MAP3K8: variants seen among roughly 807,000 people sequenced by gnomAD.
MAP3K8 encodes Ewing sarcoma transformant.
MAP3K8 carries 22 observed loss-of-function variants against 45.8 expected under a neutral mutation model. The ratio of observed to expected loss-of-function variants is 0.48; its 90% confidence interval spans 0.34 to 0.69. The LOEUF is 0.69. MAP3K8 is among the 30% of genes least tolerant of loss of function. MAP3K8 has a pLI of 0.01. For synonymous variants in MAP3K8, 223 were observed against 214.3 expected (o/e 1.04, Z -0.36); for missense variants, 419 against 585.0 (o/e 0.72, Z 2.93).
chr10:30,452,049 A>T (rs1172673469), intron 6 of MAP3K8, among the ~76,000 whole-genome samples: 3 of 152,142 alleles, frequency 2.0e-5, no homozygotes, highest in African/African-American at 7.2e-5. Flanking sequence ...AATAGATCAC[A>T]TTGGCCAGGT....
rs766758126 is a variant in MAP3K8 at position 30,459,347 on chromosome 10, C to T, written c.1119C>T (p.Pro373=). The change falls in exon 8 of 9, where the codon CCC becomes CCT. Residue 373 remains proline, a synonymous_variant. Coordinates refer to ENST00000263056, the MANE Select transcript of MAP3K8 (RefSeq NM_005204.4). Reference sequence around the variant, plus strand: ...TAGAAGCTTCCCTGGAGAGAAACCCCAATCACCGCCCAAGAGCCGCAGACC... The same window carrying T: ...TAGAAGCTTCCCTGGAGAGAAACCCTAATCACCGCCCAAGAGCCGCAGACC... The part of the protein sequence containing the change: ...ELIEASLERN[P]NHRPRAADLL... 1.9e-5 allele frequency: 30 copies of T among 1,614,136 alleles called. No individual in the cohort carries two copies. Among genetic ancestry groups the T allele is most frequent in the Middle Eastern group, 3.3e-4 (2 of 6,058 alleles).
chr10:30,446,776 A>T (rs1259585539), intron 3 of MAP3K8, among the ~76,000 whole-genome samples: 1 of 152,162 alleles, frequency 6.6e-6, no homozygotes, highest in Non-Finnish European at 1.5e-5. Context: ...AAATTGAAAT[A>T]TATTTTATAT....
intron 6 of MAP3K8, among the ~76,000 whole-genome samples, chr10:30,453,864 C>G (rs550140184): frequency 4.5e-5 from 6 of 132,102 alleles, no homozygotes; most frequent in African/African-American, 1.7e-4. Context: ...CAGACCTCAT[C>G]TCTTTTGAAA....
At chr10:30,439,434 A>G in intron 3 of MAP3K8, 160 bp downstream of exon 3, 1 of 1,293,294 alleles carries the variant, frequency 7.7e-7, no homozygotes, top group East Asian at 2.6e-5. Context: ...TAAAGATGCA[A>G]AAAAAAAAGT....
At chr10:30,434,042 T>C (rs944977527), upstream of MAP3K8, 4 of 152,794 alleles carry the variant, frequency 2.6e-5, no homozygotes, top group African/African-American at 9.6e-5. Flanking sequence ...GGGCAGTCTC[T>C]TTCTGTTTAC....
At chr10:30,458,371 T>A (rs1034419646) in intron 7 of MAP3K8, 135 bp downstream of exon 7, 1 of 525,362 alleles carries the variant, frequency 1.9e-6, no homozygotes, top group Non-Finnish European at 3.1e-6. Flanking sequence ...GACAGGTAGC[T>A]ACAAGTTCTT....
chr10:30,451,319 G>T (rs912794326), intron 5 of MAP3K8, among the ~76,000 whole-genome samples: 1 of 152,086 alleles, frequency 6.6e-6, no homozygotes, highest in South Asian at 2.1e-4. Flanking sequence ...AAAAAGATGG[G>T]TATTTTACTT....
chr10:30,453,956 GAGAAAGAAA>G (rs528536352), intron 6 of MAP3K8, among the ~76,000 whole-genome samples: 5 of 135,146 alleles, frequency 3.7e-5, no homozygotes, highest in African/African-American at 1.3e-4. Context: ...AGGAAGGAAG[GAGAAAGAAA>G]AAGGAAGGAA....
At chr10:30,438,046 G>C (rs184525623) in intron 2 of MAP3K8, among the ~76,000 whole-genome samples, 1 of 152,266 alleles carries the variant, frequency 6.6e-6, no homozygotes, top group East Asian at 1.9e-4. Flanking sequence ...TTGTATATAA[G>C]AGCTGAAATG....
At chr10:30,441,309 A>G (rs1294216711) in intron 3 of MAP3K8, among the ~76,000 whole-genome samples, 2 of 152,012 alleles carry the variant, frequency 1.3e-5, no homozygotes, top group Non-Finnish European at 2.9e-5. Flanking sequence ...GGCCTCTGCC[A>G]CCATACCCGG....
In MAP3K8 at chr10:30,461,132, C is replaced by A; in HGVS notation, c.*296C>A. 3.3e-6 allele frequency: 1 copy of A among 306,262 alleles called. No homozygotes were observed. Among genetic ancestry groups the A allele is most frequent in the South Asian group, 1.1e-4 (1 of 9,310 alleles). The allele number at this position is 306,262 out of a possible 1,614,324, so 19.0% of individuals were successfully genotyped here. On this transcript the variant is annotated 3_prime_UTR_variant, in exon 9 of 9. Transcript: ENST00000263056. ...TGTTTCATTCACTGTGCACTTTGCTCAAAATTTTAAAAATACCAATCACAA... is the reference window on the plus strand; with the variant it reads ...TGTTTCATTCACTGTGCACTTTGCTAAAAATTTTAAAAATACCAATCACAA...
Position 30,460,972 on chromosome 10 carries a change from G to T in MAP3K8, c.*136G>T. 5.9e-6 allele frequency: 6 copies of T among 1,023,556 alleles called. No homozygotes were observed. Among genetic ancestry groups the T allele is most frequent in the Non-Finnish European group, 8.3e-6 (6 of 723,694 alleles). 63.4% of individuals were successfully genotyped at this position (1,023,556 alleles called of 1,614,324 possible). A position where few individuals can be genotyped will look rare whatever the true frequency, so the allele number is the denominator to read the frequency against. ...GTGTGACCTCCTGTGACCCGTGAAT[G>T]TGCCTCCAAGCGGCCCTGTGTGTTT... On this transcript the variant is annotated 3_prime_UTR_variant, in exon 9 of 9. Coordinates refer to ENST00000263056, the MANE Select transcript of MAP3K8 (RefSeq NM_005204.4).
In MAP3K8 at chr10:30,439,290, A is replaced by C; in HGVS notation, c.336+16A>C. 6.2e-7 allele frequency: 1 copy of C among 1,614,050 alleles called. No individual in the cohort carries two copies. The highest frequency in any genetic ancestry group is 8.5e-7 in the Non-Finnish European group (1 of 1,179,920). ...ATTAAACATGGTACGTTTCTTTCCG[A>C]TCAGTTGGGTGCTATGTGCTCAGCT... On this transcript the variant is annotated intron_variant, in intron 3 of 8. Coordinates refer to ENST00000263056, the MANE Select transcript of MAP3K8 (RefSeq NM_005204.4).
intron 6 of MAP3K8, among the ~76,000 whole-genome samples, chr10:30,456,333 C>T (rs1272391031): frequency 6.6e-6 from 1 of 152,172 alleles, no homozygotes; most frequent in Non-Finnish European, 1.5e-5. Context: ...CAAAGTCCTT[C>T]TGGAAAGTCC....
intron 6 of MAP3K8, among the ~76,000 whole-genome samples, chr10:30,454,318 T>G (rs1836659843): frequency 6.6e-6 from 1 of 152,106 alleles, no homozygotes; most frequent in South Asian, 2.1e-4. Context: ...CACAAAAAAA[T>G]TGTCTTCCTT....
chr10:30,442,122 T>C (rs1010157757), intron 3 of MAP3K8, among the ~76,000 whole-genome samples: 1 of 152,212 alleles, frequency 6.6e-6, no homozygotes, highest in Non-Finnish European at 1.5e-5. Context: ...CTAGAGATAG[T>C]ATGGAACAGT....
chr10:30,458,315 C>A, intron 7 of MAP3K8, 79 bp downstream of exon 7: 1 of 1,006,166 alleles, frequency 9.9e-7, no homozygotes, highest in Non-Finnish European at 1.4e-6. Flanking sequence ...GGAGGGACTG[C>A]TCTGCCTTCT....
Position 30,458,230 on chromosome 10 carries a change from G to C in MAP3K8, c.1020G>C (p.Leu340=), listed in dbSNP as rs760722515. Residue 340 remains leucine, a synonymous_variant, in exon 7 of 9, where the codon CTG becomes CTC. Transcript: ENST00000263056. ...RYPRSAYPSY[L]YIIHKQAPPL... is the part of the protein sequence containing the mutation. ...CTCGCTCAGCCTATCCCTCCTACCT[G>C]TACATAGTAAGTGGGGTTCAACCAG... The C allele has an allele frequency of 2.5e-6, 3 of 1,183,102 alleles. No homozygotes were observed. 73.3% of individuals were successfully genotyped at this position (1,183,102 alleles called of 1,614,324 possible). A position where few individuals can be genotyped will look rare whatever the true frequency, so the allele number is the denominator to read the frequency against.
intron 2 of MAP3K8, among the ~76,000 whole-genome samples, chr10:30,438,477 A>G (rs1025555088): frequency 6.6e-6 from 1 of 152,222 alleles, no homozygotes; most frequent in Non-Finnish European, 1.5e-5. Flanking sequence ...TAAAGTCACC[A>G]GAGGCATAAA....
Sources: allele counts gnomAD v4.1 joint callset (sites outside exome capture counted in the v4.1 genomes callset), GRCh38; gene constraint gnomAD v4.1.1; transcripts MANE v1.5; gene names NCBI Gene and HGNC (gene_info 2026-07-23, HGNC 2026-07-21).